Variants in RBFOX3 observed in about 807,000 individuals in gnomAD.
RBFOX3 encodes the protein RNA binding fox-1 homolog 3.
In RBFOX3, 17 loss-of-function variants were observed where a neutral mutation model predicts 48.7. The observed-to-expected ratio is 0.35, with a 90% CI of 0.24 to 0.52. RBFOX3 has a LOEUF of 0.52. Ranked by LOEUF, RBFOX3 falls within the 20% of genes least tolerant of loss-of-function variation. The pLI, the probability that RBFOX3 is intolerant of heterozygous loss-of-function variation, is 0.94. For synonymous variants in RBFOX3, 212 were observed against 209.5 expected (o/e 1.01, Z -0.10); for missense variants, 382 against 497.5 (o/e 0.77, Z 2.21).
In RBFOX3 at chr17:79,112,904, C is replaced by CGGCGGGGGGGGGGGGGGGGGGG. The variant is rs1307784460; in HGVS notation, c.222+2589_222+2590insCCCCCCCCCCCCCCCCCCCGCC. On this transcript the variant is annotated intron_variant, in intron 5 of 14. Coordinates refer to ENST00000693108, the MANE Select transcript of RBFOX3 (RefSeq NM_001350451.2). ...GGTGCCAACCTGGGCAGCAGGCTCTCGGGGGGGGGGTGGGCTGGGTAGGAC... is the reference window on the plus strand; with the variant it reads ...GGTGCCAACCTGGGCAGCAGGCTCTCGGCGGGGGGGGGGGGGGGGGGGGGGGGGGGGGTGGGCTGGGTAGGAC... Among the ~76,000 whole-genome samples the CGGCGGGGGGGGGGGGGGGGGGG allele has an allele frequency of 6.8e-4, 7 of 10,364 alleles. 1 individual carries two copies. Among genetic ancestry groups the CGGCGGGGGGGGGGGGGGGGGGG allele is most frequent in the African/African-American group, 1.4e-3 (3 of 2,186 alleles). The allele number at this position is 10,364 out of a possible 152,430, so 6.8% of individuals were successfully genotyped here.
chr17:79,461,052 GC>G (rs2075303459), intron 2 of RBFOX3, among the ~76,000 whole-genome samples: 1 of 152,086 alleles, frequency 6.6e-6, no homozygotes. Context: ...TTTCCACTGG[GC>G]CCCCAAAGTG....
In RBFOX3 at chr17:79,569,982, GTAGA is replaced by G. The variant is rs1490950510; in HGVS notation, c.-320+40840_-320+40843del. Among the ~76,000 whole-genome samples, 12 of 111,044 alleles carry G rather than the reference GTAGA, an allele frequency of 1.1e-4. No individual in the cohort carries two copies. In the East Asian group the frequency reaches 2.3e-3, roughly 22 times the overall value. 72.8% of individuals were successfully genotyped at this position (111,044 alleles called of 152,430 possible). On this transcript the variant is annotated intron_variant, in intron 1 of 14. Coordinates refer to ENST00000693108, the MANE Select transcript of RBFOX3 (RefSeq NM_001350451.2). The stretch of plus-strand genomic sequence containing the variant: ...TTGATAGGTGGATTATAGATGGATG[GTAGA>G]TGGATGGATGGATAGATGAGTTATA...
At chr17:79,263,813 C>A (rs1022080250) in intron 3 of RBFOX3, among the ~76,000 whole-genome samples, 1 of 152,144 alleles carries the variant, frequency 6.6e-6, no homozygotes, top group African/African-American at 2.4e-5. Context: ...GTCCTAACCC[C>A]CAGAGCTGGA....
intron 4 of RBFOX3, among the ~76,000 whole-genome samples, chr17:79,183,628 G>C (rs1390021573): frequency 6.6e-6 from 1 of 152,112 alleles, no homozygotes; most frequent in Non-Finnish European, 1.5e-5. Context: ...GCGAGAGATC[G>C]GGCGAGCGGG....
intron 1 of RBFOX3, among the ~76,000 whole-genome samples, chr17:79,492,851 C>T (rs887934161): frequency 3.3e-4 from 50 of 152,186 alleles, no homozygotes; most frequent in South Asian, 2.7e-3. Context: ...CACTGGGACA[C>T]GCCAGGAGGC....
intron 3 of RBFOX3, among the ~76,000 whole-genome samples, chr17:79,283,226 A>C (rs1350286774): frequency 1.3e-5 from 2 of 151,196 alleles, no homozygotes; most frequent in African/African-American, 4.9e-5. Context: ...GGGAGACAGA[A>C]GTCTGCCTGT....
At position 79,244,737 on chromosome 17, in the gene RBFOX3, ATTCCTTTCCTTCCTTCC is replaced by A. The variant is rs1206473816; in HGVS notation, c.-73-8949_-73-8933del. ...CCTTTTCTTTCCTCTTTCTTCTCCCATTCCTTTCCTTCCTTCCTTCCTTTTCTTCCTTCCTTCCTTTA... is the reference window on the plus strand; with the variant it reads ...CCTTTTCTTTCCTCTTTCTTCTCCCATTCCTTTTCTTCCTTCCTTCCTTTA... On this transcript the variant is annotated intron_variant, in intron 3 of 14. Transcript: ENST00000693108. 9.5e-3 allele frequency among the ~76,000 whole-genome samples: 1,037 copies of A among 109,174 alleles called. 16 individuals are homozygous for A. Among genetic ancestry groups the A allele is most frequent in the African/African-American group, 0.032 (1,000 of 31,356 alleles). 71.6% of individuals were successfully genotyped at this position (109,174 alleles called of 152,430 possible).
Position 79,090,813 on chromosome 17 carries a change from TTTG to T in RBFOX3, c.*67_*69del, listed in dbSNP as rs2073730501. On this transcript the variant is annotated 3_prime_UTR_variant, in exon 15 of 15. Transcript: ENST00000693108. ...GATCTTAACATCTTTTTTTGTTTTT[TTTG>T]TTTTGTGATTTTTTTTGTTTTTTTG... The T allele has an allele frequency of 2.0e-6, 3 of 1,483,314 alleles. No individual in the cohort carries two copies. The highest frequency in any genetic ancestry group is 2.7e-6 in the Non-Finnish European group (3 of 1,110,598). The allele number at this position is 1,483,314 out of a possible 1,614,324, so 91.9% of individuals were successfully genotyped here.
At chr17:79,496,167 C>T (rs1403962350) in intron 1 of RBFOX3, among the ~76,000 whole-genome samples, 6 of 151,986 alleles carry the variant, frequency 3.9e-5, no homozygotes, top group Admixed American at 2.6e-4. Flanking sequence ...CTACTGGTGA[C>T]CTGAGGGCTT....
chr17:79,556,023 C>T (rs1199457249), intron 1 of RBFOX3, among the ~76,000 whole-genome samples: 8 of 152,108 alleles, frequency 5.3e-5, no homozygotes, highest in African/African-American at 1.9e-4. Context: ...AATCAATGCC[C>T]ACAGAGCAAA....
chr17:79,104,265 G>A, intron 6 of RBFOX3, 139 bp from the exon 7 acceptor site: 1 of 797,814 alleles, frequency 1.3e-6, no homozygotes, highest in Non-Finnish European at 2.1e-6. Context: ...AAGGAGACCG[G>A]GGACCCCCTC....
intron 4 of RBFOX3, among the ~76,000 whole-genome samples, chr17:79,182,821 G>A (rs1568299833): frequency 6.6e-6 from 1 of 150,778 alleles, no homozygotes; most frequent in Non-Finnish European, 1.5e-5. Flanking sequence ...AGAGCTCGGC[G>A]CCCCCGCCGC....
chr17:79,194,965 T>C (rs1477150573), intron 4 of RBFOX3, among the ~76,000 whole-genome samples: 2 of 152,140 alleles, frequency 1.3e-5, no homozygotes, highest in African/African-American at 2.4e-5. Context: ...AGCATTTCCA[T>C]GTGTGGCCTG....
At chr17:79,343,923 G>A (rs559022069) in intron 2 of RBFOX3, among the ~76,000 whole-genome samples, 69 of 152,258 alleles carry the variant, frequency 4.5e-4, no homozygotes, top group African/African-American at 1.3e-3. Context: ...CCCACAGGTC[G>A]GCTGCATGCA....
At chr17:79,607,511 C>G (rs1258451443) in intron 1 of RBFOX3, among the ~76,000 whole-genome samples, 3 of 152,130 alleles carry the variant, frequency 2.0e-5, no homozygotes, top group Admixed American at 6.5e-5. Flanking sequence ...CTCTTTACTG[C>G]CCCCCACCCC....
At chr17:79,284,256 G>C (rs4789882) in intron 3 of RBFOX3, among the ~76,000 whole-genome samples, 78,219 of 151,620 alleles carry the variant, frequency 0.52, 20,677 homozygotes, top group African/African-American at 0.6. Flanking sequence ...TCCAATGCAG[G>C]GTTGCTGAAG....
At chr17:79,656,755 AAGGAAG>A in the RBFOX3 span, among the ~76,000 whole-genome samples, 2 of 16,972 alleles carry the variant, frequency 1.2e-4, no homozygotes, top group South Asian at 2.7e-3. Context: ...AGAAAGAAGG[AAGGAAG>A]GAAGGAAGGA....
chr17:79,374,385 C>A (rs2058964900), intron 2 of RBFOX3, among the ~76,000 whole-genome samples: 1 of 152,190 alleles, frequency 6.6e-6, no homozygotes, highest in Admixed American at 6.5e-5. Flanking sequence ...CCAGGTAGAA[C>A]AAGGCTGAGC....
At chr17:79,236,253 C>T (rs894515423) in intron 3 of RBFOX3, among the ~76,000 whole-genome samples, 1 of 152,076 alleles carries the variant, frequency 6.6e-6, no homozygotes, top group African/African-American at 2.4e-5. Context: ...AGGTGTAGGG[C>T]GGGGGTCACT....
Sources: allele counts gnomAD v4.1 joint callset (sites outside exome capture counted in the v4.1 genomes callset), GRCh38; gene constraint gnomAD v4.1.1; transcripts MANE v1.5; gene names NCBI Gene and HGNC (gene_info 2026-07-23, HGNC 2026-07-21).